The following DHX34 variants were observed in gnomAD, a reference collection of about 807,000 sequenced individuals.
DHX34 encodes the protein probable ATP-dependent RNA helicase DHX34.
In DHX34, 96 loss-of-function variants were observed where a neutral mutation model predicts 111.1. The observed-to-expected ratio is 0.86, with a 90% CI of 0.73 to 1.02. The LOEUF is 1.02. Ranked by LOEUF, DHX34 falls within the 50% of genes least tolerant of loss-of-function variation. The pLI, the probability that DHX34 is intolerant of heterozygous loss-of-function variation, is 0.00. For synonymous variants in DHX34, 688 were observed against 670.4 expected (o/e 1.03, Z -0.41); for missense variants, 1,560 against 1,579.9 (o/e 0.99, Z 0.21).
intron 9 of DHX34, among the ~76,000 whole-genome samples, chr19:47,373,950 T>C (rs1318035731): frequency 6.6e-6 from 1 of 152,082 alleles, no homozygotes; most frequent in Non-Finnish European, 1.5e-5. Flanking sequence ...GAGCTCGCCC[T>C]CCGGACTGGG....
intron 6 of DHX34, among the ~76,000 whole-genome samples, chr19:47,365,592 G>A (rs1234436135): frequency 6.6e-6 from 1 of 152,100 alleles, no homozygotes; most frequent in African/African-American, 2.4e-5. Flanking sequence ...ACTCATAGAC[G>A]GCATCAAGGC....
intron 4 of DHX34, among the ~76,000 whole-genome samples, chr19:47,358,496 C>T (rs1430329620): frequency 1.3e-5 from 2 of 151,388 alleles, no homozygotes; most frequent in African/African-American, 4.9e-5. Context: ...CTCTGTTGTC[C>T]AGGCTGGAGT....
chr19:47,354,250 A>G (rs1969382626), intron 2 of DHX34, among the ~76,000 whole-genome samples: 1 of 152,184 alleles, frequency 6.6e-6, no homozygotes, highest in Non-Finnish European at 1.5e-5. Context: ...GGTGTGAGCC[A>G]CCACGTTGGG....
chr19:47,366,870 G>T, intron 6 of DHX34, 111 bp from the exon 7 acceptor site: 1 of 1,387,908 alleles, frequency 7.2e-7, no homozygotes, highest in Non-Finnish European at 9.4e-7. Context: ...CACAACGCCC[G>T]GCCAACACTA....
At position 47,355,280 on chromosome 19, in the gene DHX34, T is replaced by C. The variant is rs1568394506; in HGVS notation, c.947T>C (p.Ile316Thr). The change falls in exon 3 of 17, where the codon ATC (isoleucine) becomes ACC (threonine). Residue 316 changes from isoleucine to threonine, a missense_variant. Physicochemically the swap from Ile to Thr is moderately conservative, Grantham distance 89 (BLOSUM62 -1). Coordinates refer to ENST00000328771, the MANE Select transcript of DHX34 (RefSeq NM_014681.6). ...ATCCTCATGTCGGCCACCATCAACA[T>C]CTCGCTCTTCTCCAGCTATTTCAGC... The part of the protein sequence containing the change: ...KVILMSATIN[I>T]SLFSSYFSNA... The C allele has an allele frequency of 6.2e-7, 1 of 1,614,112 alleles. No individual in the cohort carries two copies. The highest frequency in any genetic ancestry group is 1.7e-5 in the Admixed American group (1 of 60,010).
rs889168 is a variant in DHX34, at chr19:47,381,802, G to A, written c.3299-178G>A. The A allele has an allele frequency of 2.0e-3, 1,902 of 934,998 alleles. 29 individuals are homozygous for A. In the African/African-American group the frequency reaches 0.026, roughly 13 times the overall value. The allele number at this position is 934,998 out of a possible 1,614,324, so 57.9% of individuals were successfully genotyped here. A position where few individuals can be genotyped will look rare whatever the true frequency, so the allele number is the denominator to read the frequency against. On this transcript the variant is annotated intron_variant, in intron 16 of 16. Transcript: ENST00000328771. ...CTGTCTCTCTCACTGGCAGGGATGC[G>A]GAGTAAAGACAGACCTGTGTATTTT... is the stretch of plus-strand genomic sequence containing the variant.
intron 8 of DHX34, among the ~76,000 whole-genome samples, chr19:47,373,157 A>G (rs1433938279): frequency 6.6e-6 from 1 of 152,180 alleles, no homozygotes; most frequent in African/African-American, 2.4e-5. Context: ...TGAAGCACTG[A>G]TGAAAACCTG....
intron 13 of DHX34, 165 bp from the exon 14 acceptor site, chr19:47,379,545 C>G (rs950457383): frequency 1.0e-6 from 1 of 982,152 alleles, no homozygotes; most frequent in Non-Finnish European, 1.2e-6. Context: ...TGCCGTATCC[C>G]CAGCACCCGA....
intron 7 of DHX34, among the ~76,000 whole-genome samples, chr19:47,370,669 G>GT (rs1178506891): frequency 8.9e-6 from 1 of 112,616 alleles, no homozygotes; most frequent in Non-Finnish European, 2.3e-5. Context: ...GTTCATTTTT[G>GT]TTTTATTTAT....
rs760575695 is a variant in DHX34 at position 47,377,102 on chromosome 19, G to A, written c.2602G>A (p.Asp868Asn). 4.8e-5 allele frequency: 77 copies of A among 1,613,860 alleles called. No individual in the cohort carries two copies. Among genetic ancestry groups the A allele is most frequent in the Admixed American group, 8.3e-5 (5 of 60,004 alleles). ...AGCGGTCCTCCTCAACCTTTCAGAC[G>A]ACAAGGACAAGATGAGCAGCAAACA... ...EASNCDGSRD[D>N]KDKMSSKHQL... Residue 868 changes from aspartate (D) to asparagine (N), a missense_variant and splice_region_variant, in exon 13 of 17, where the codon GAC (aspartate) becomes AAC (asparagine). Asp to Asn is a conservative substitution (Grantham distance 23). Coordinates refer to ENST00000328771, the MANE Select transcript of DHX34 (RefSeq NM_014681.6).
At position 47,381,167 on chromosome 19, in the gene DHX34, G is replaced by GA. The variant is rs1418566387; in HGVS notation, c.3160-18dup. 1 of 1,611,990 alleles carries GA rather than the reference G, an allele frequency of 6.2e-7. No individual in the cohort carries two copies. The highest frequency in any genetic ancestry group is 1.3e-5 in the African/African-American group (1 of 74,908). Reference sequence around the variant, plus strand: ...TGGCACTTGGCGGGGGCCCAGCCCTGACAGCTGGCCTGCCACAGAATGACA... The same window carrying GA: ...TGGCACTTGGCGGGGGCCCAGCCCTGAACAGCTGGCCTGCCACAGAATGACA... On this transcript the variant is annotated intron_variant, in intron 15 of 16. Coordinates refer to ENST00000328771, the MANE Select transcript of DHX34 (RefSeq NM_014681.6).
chr19:47,358,739 T>C (rs1426758544), intron 4 of DHX34, among the ~76,000 whole-genome samples: 1 of 152,014 alleles, frequency 6.6e-6, no homozygotes, highest in Non-Finnish European at 1.5e-5. Flanking sequence ...CTCAGCCTCC[T>C]GAGTAGCTGG....
chr19:47,371,088 G>A (rs909531472), intron 7 of DHX34, among the ~76,000 whole-genome samples: 4 of 152,250 alleles, frequency 2.6e-5, no homozygotes, highest in Admixed American at 6.5e-5. Context: ...TGGACTTTCC[G>A]TTATTTCATC....
In DHX34 at chr19:47,381,307, C is replaced by T. The variant is rs1970351064; in HGVS notation, c.3281C>T (p.Pro1094Leu). The T allele has an allele frequency of 6.2e-7, 1 of 1,613,696 alleles. No homozygotes were observed. The highest frequency in any genetic ancestry group is 1.7e-5 in the Admixed American group (1 of 59,980). The change falls in exon 16 of 17, where the codon CCA becomes CTA. Residue 1094 changes from proline (P) to leucine (L), a missense_variant. Physicochemically the swap from Pro to Leu is moderately conservative, Grantham distance 98. Coordinates refer to ENST00000328771, the MANE Select transcript of DHX34 (RefSeq NM_014681.6). ...CATGAGAACACCTGCCCCCAGGCCC[C>T]ACAGGATGGGCCCCCAGGTAAGCAC... is the stretch of plus-strand genomic sequence containing the variant. ...IAHENTCPQA[P>L]QDGPPGAEEA...
rs140449776 is a variant in DHX34, at chr19:47,379,759, G to A, written c.2756G>A (p.Arg919His). ...RSLDTNGDCSRLVADGWLELQ... is the reference protein window; with the variant it reads ...RSLDTNGDCSHLVADGWLELQ... ...TTGGACACCAATGGTGACTGCTCCC[G>A]CCTGGTGGCCGATGGCTGGCTGGAG... Residue 919 changes from arginine to histidine, a missense_variant, in exon 14 of 17, where the codon CGC becomes CAC. Arg to His is a conservative substitution (Grantham distance 29). Coordinates refer to ENST00000328771, the MANE Select transcript of DHX34 (RefSeq NM_014681.6). The A allele has an allele frequency of 3.2e-4, 517 of 1,612,478 alleles. 3 individuals carry two copies. The African/African-American group carries it at 5.4e-3, about 17-fold the overall frequency.
chr19:47,373,125 G>A (rs942742586), intron 8 of DHX34, among the ~76,000 whole-genome samples: 2 of 152,248 alleles, frequency 1.3e-5, no homozygotes, highest in African/African-American at 4.8e-5. Context: ...CAGGCCCGGG[G>A]CTGAGAGGAG....
At position 47,355,307 on chromosome 19, in the gene DHX34, A is replaced by G. The variant is rs748714107; in HGVS notation, c.974A>G (p.Asn325Ser). ...NISLFSSYFSNAPVVQVPGRL... is the reference protein window; with the variant it reads ...NISLFSSYFSSAPVVQVPGRL... Reference sequence around the variant, plus strand: ...TCGCTCTTCTCCAGCTATTTCAGCAATGCCCCTGTGGTACAGGTGCCTGGG... The same window carrying G: ...TCGCTCTTCTCCAGCTATTTCAGCAGTGCCCCTGTGGTACAGGTGCCTGGG... The change falls in exon 3 of 17, where the codon AAT (asparagine) becomes AGT (serine). Residue 325 changes from asparagine (N) to serine (S), a missense_variant. Asn to Ser is a conservative substitution (Grantham distance 46). Transcript: ENST00000328771. 2.5e-6 allele frequency: 4 copies of G among 1,614,074 alleles called. No homozygotes were observed. Among genetic ancestry groups the G allele is most frequent in the African/African-American group, 1.3e-5 (1 of 75,012 alleles).
chr19:47,366,942 T>C (rs1969802874), intron 6 of DHX34, 39 bp from the exon 7 acceptor site: 1 of 1,516,182 alleles, frequency 6.6e-7, no homozygotes, highest in Non-Finnish European at 8.8e-7. Context: ...CAGTGGCTCT[T>C]GTGTTCCCCA....
At position 47,358,013 on chromosome 19, in the gene DHX34, G is replaced by A. The variant is rs1969511074; in HGVS notation, c.1165G>A (p.Ala389Thr). ...GDLLVFLSGM[A>T]EISAVLEAAQ... Reference sequence around the variant, plus strand: ...CCTCCTCGTCTTCCTCAGCGGCATGGCGGAGATCAGCGCCGTGCTGGAGGC... The same window carrying A: ...CCTCCTCGTCTTCCTCAGCGGCATGACGGAGATCAGCGCCGTGCTGGAGGC... Residue 389 changes from alanine to threonine, a missense_variant, in exon 4 of 17, where the codon GCG becomes ACG. Physicochemically the swap from Ala to Thr is moderately conservative, Grantham distance 58. Coordinates refer to ENST00000328771, the MANE Select transcript of DHX34 (RefSeq NM_014681.6). 1.9e-6 allele frequency: 3 copies of A among 1,613,660 alleles called. No individual in the cohort carries two copies. The East Asian group carries it at 6.7e-5, about 36-fold the overall frequency.
Sources: allele counts gnomAD v4.1 joint callset (sites outside exome capture counted in the v4.1 genomes callset), GRCh38; gene constraint gnomAD v4.1.1; transcripts MANE v1.5; gene names NCBI Gene and HGNC (gene_info 2026-07-23, HGNC 2026-07-21).